Variants in ROCK2 observed in about 807,000 individuals in gnomAD.
ROCK2 encodes rho-associated protein kinase 2.
ROCK2 carries 61 observed loss-of-function variants against 195.1 expected under a neutral mutation model. That is an observed-to-expected ratio of 0.31 (90% CI 0.25 to 0.39). ROCK2 has a LOEUF of 0.39. Among genes scored for constraint, ROCK2 ranks in the 10% least tolerant of loss-of-function variants. The probability of loss-of-function intolerance (pLI) is 1.00; values close to 1 mark genes in which losing one functional copy is unlikely to be tolerated. For synonymous variants in ROCK2, 504 were observed against 545.5 expected, an observed-to-expected ratio of 0.92 and a Z score of 1.06; for missense variants, 1,109 against 1,637.4, an observed-to-expected ratio of 0.68 and a Z score of 5.57.
chr2:11,340,854 C>G (rs1268159406), intron 1 of ROCK2, among the ~76,000 whole-genome samples: 1 of 152,124 alleles, frequency 6.6e-6, no homozygotes, highest in African/African-American at 2.4e-5. Context: ...TTTACCCAAG[C>G]GTGAGTCCTA....
chr2:11,270,017 G>C (rs1221144178), intron 3 of ROCK2, among the ~76,000 whole-genome samples: 1 of 152,206 alleles, frequency 6.6e-6, no homozygotes, highest in African/African-American at 2.4e-5. Flanking sequence ...GCCTCCCAAA[G>C]TGCCAGGATT....
At chr2:11,312,425 TCC>T (rs1430257373) in intron 1 of ROCK2, among the ~76,000 whole-genome samples, 3 of 151,786 alleles carry the variant, frequency 2.0e-5, no homozygotes, top group African/African-American at 7.3e-5. Flanking sequence ...TCCTTAAAAA[TCC>T]CCCTCTCCTG....
intron 3 of ROCK2, among the ~76,000 whole-genome samples, chr2:11,281,276 A>T (rs1459991959): frequency 6.9e-6 from 1 of 145,348 alleles, no homozygotes; most frequent in Admixed American, 6.7e-5. Context: ...GAATATCTAT[A>T]AAAAATCCAC....
Position 11,201,511 on chromosome 2 carries a change from A to T in ROCK2, c.2620-98T>A. 1.4e-6 allele frequency: 1 copy of T among 707,780 alleles called. No individual in the cohort carries two copies. The highest frequency in any genetic ancestry group is 2.5e-6 in the Non-Finnish European group (1 of 407,718). 43.8% of individuals were successfully genotyped at this position (707,780 alleles called of 1,614,324 possible). ...ACAAAAAGGAGAATGAACACATACA[A>T]ATATTTTCTTACTGCTAAGTCCCCG... is the stretch of plus-strand genomic sequence containing the variant. On this transcript the variant is annotated intron_variant, in intron 21 of 32. Coordinates refer to ENST00000315872, the MANE Select transcript of ROCK2 (RefSeq NM_004850.5). This position sits in a 1 kb window ranked among gnomAD's most constrained non-coding sequence, Gnocchi z 4.6.
At chr2:11,237,390 C>T (rs1558316417) in intron 4 of ROCK2, among the ~76,000 whole-genome samples, 1 of 152,040 alleles carries the variant, frequency 6.6e-6, no homozygotes. Flanking sequence ...CCAACGTCTA[C>T]CTAAAAGTAG....
chr2:11,295,749 G>A (rs1667490765), intron 1 of ROCK2, among the ~76,000 whole-genome samples: 1 of 152,022 alleles, frequency 6.6e-6, no homozygotes, highest in Non-Finnish European at 1.5e-5. Context: ...CTGAGGTCAG[G>A]AGTTTGACAC....
intron 1 of ROCK2, chr2:11,308,135 A>G (rs1667921504): frequency 1.9e-6 from 3 of 1,611,208 alleles, no homozygotes; most frequent in Admixed American, 1.7e-5. Context: ...AGTATCAGAT[A>G]TTAGCAAGAC....
chr2:11,330,713 A>C (rs1668690983), intron 1 of ROCK2, among the ~76,000 whole-genome samples: 1 of 124,832 alleles, frequency 8.0e-6, no homozygotes, highest in East Asian at 2.8e-4. Flanking sequence ...AGGAAGGAGG[A>C]AGACAAGGGA....
At chr2:11,324,769 T>C (rs1668498670) in intron 1 of ROCK2, among the ~76,000 whole-genome samples, 1 of 152,236 alleles carries the variant, frequency 6.6e-6, no homozygotes, top group Non-Finnish European at 1.5e-5. Flanking sequence ...TAGTAAGAGA[T>C]GTATGTCTTG....
At chr2:11,324,897 T>G (rs1668503121) in intron 1 of ROCK2, among the ~76,000 whole-genome samples, 1 of 152,148 alleles carries the variant, frequency 6.6e-6, no homozygotes, top group Non-Finnish European at 1.5e-5. Context: ...TATAAAGAAG[T>G]TTTATGCCCA....
chr2:11,208,407 C>G lies in ROCK2; in HGVS notation c.2244G>C (p.Gln748His), dbSNP rs1664130869. 4 of 1,546,106 alleles carry G rather than the reference C, an allele frequency of 2.6e-6. No homozygotes were observed. Among genetic ancestry groups the G allele is most frequent in the Non-Finnish European group, 3.5e-6 (4 of 1,137,784 alleles). Residue 748 changes from glutamine (Q) to histidine (H), a missense_variant, in exon 19 of 33, where the codon CAG becomes CAC. By Grantham distance (24) the Gln-to-His change is conservative (BLOSUM62 0). This residue lies in a region of ROCK2 where 542 missense variants were observed against 672.0 expected (regional missense o/e 0.81). Transcript: ENST00000315872. ...CTTCTAGCAATAGGTTCTCCACTTT[C>G]TGTTTTAAAGTTCTTTCCTCCAAGA... ...KKLLEERTLK[Q>H]KVENLLLEAE...
chr2:11,317,017 C>A (rs756486182), intron 1 of ROCK2, among the ~76,000 whole-genome samples: 3 of 152,034 alleles, frequency 2.0e-5, no homozygotes, highest in Non-Finnish European at 4.4e-5. Flanking sequence ...TAGTTTGAGA[C>A]CTTCTTCAGA....
intron 1 of ROCK2, among the ~76,000 whole-genome samples, chr2:11,316,873 G>A (rs1462095062): frequency 6.6e-6 from 1 of 152,056 alleles, no homozygotes; most frequent in African/African-American, 2.4e-5. Flanking sequence ...ATTTCTCAGT[G>A]AATTAAGAGA....
chr2:11,320,488 G>C (rs1668367582), intron 1 of ROCK2, among the ~76,000 whole-genome samples: 2 of 148,826 alleles, frequency 1.3e-5, no homozygotes, highest in Non-Finnish European at 3.0e-5. Context: ...AATAAGGATA[G>C]CAACAGCAAA....
chr2:11,255,635 C>T (rs1666002454), intron 3 of ROCK2, among the ~76,000 whole-genome samples: 1 of 150,702 alleles, frequency 6.6e-6, no homozygotes, highest in South Asian at 2.1e-4. Context: ...AAAATGGAAA[C>T]TAGGCCGGGT....
intron 23 of ROCK2, 81 bp from the exon 24 acceptor site, chr2:11,198,855 C>G (rs1350114988): frequency 2.1e-5 from 17 of 827,492 alleles, no homozygotes; most frequent in Non-Finnish European, 3.3e-5. Context: ...GAGAAACATC[C>G]TAGAATATTG....
intron 3 of ROCK2, among the ~76,000 whole-genome samples, chr2:11,256,558 C>A (rs1666042671): frequency 6.6e-6 from 1 of 150,484 alleles, no homozygotes; most frequent in African/African-American, 2.5e-5. Flanking sequence ...CGGACTAATA[C>A]ATATATCTAA....
intron 1 of ROCK2, among the ~76,000 whole-genome samples, chr2:11,333,020 T>C (rs958177939): frequency 2.6e-5 from 4 of 152,128 alleles, no homozygotes; most frequent in African/African-American, 7.2e-5. Flanking sequence ...GGATTCAGGA[T>C]TGACTGCAAA....
intron 3 of ROCK2, among the ~76,000 whole-genome samples, chr2:11,268,522 CTGTGTGTGTGTGTG>C (rs70953378): frequency 4.3e-5 from 6 of 140,554 alleles, no homozygotes; most frequent in Admixed American, 7.1e-5. Flanking sequence ...CAGTTTTGCA[CTGTGTGTGTGTGTG>C]TGTGTGTGTG....
Sources: allele counts gnomAD v4.1 joint callset (sites outside exome capture counted in the v4.1 genomes callset), GRCh38; gene constraint gnomAD v4.1.1; regional missense constraint gnomAD v4.1.1; non-coding constraint Gnocchi (gnomAD v3.1); transcripts MANE v1.5; gene names NCBI Gene and HGNC (gene_info 2026-07-23, HGNC 2026-07-21).